The following CCBE1 variants were observed in gnomAD, a reference collection of about 807,000 sequenced individuals.
CCBE1 encodes collagen and calcium binding EGF domains 1.
In CCBE1, 37 loss-of-function variants were observed where a neutral mutation model predicts 50.0. That is an observed-to-expected ratio of 0.74 (90% confidence interval 0.57 to 0.97). The LOEUF (loss-of-function observed/expected upper bound fraction) is 0.97. CCBE1 is among the 50% of genes least tolerant of loss of function. The pLI is 0.00. For missense variants in CCBE1, 538 were observed against 523.8 expected (o/e 1.03, Z -0.26); for synonymous variants, 234 against 203.7 (o/e 1.15, Z -1.27).
intron 5 of CCBE1, 145 bp downstream of exon 5, chr18:59,466,594 A>C (rs2143720374): frequency 2.9e-6 from 1 of 349,190 alleles, no homozygotes; most frequent in South Asian, 8.6e-5. Context: ...CATTGTATAT[A>C]AAATTACATA....
intron 2 of CCBE1, among the ~76,000 whole-genome samples, chr18:59,491,684 T>C (rs2143807742): frequency 6.6e-6 from 1 of 151,484 alleles, no homozygotes; most frequent in African/African-American, 2.4e-5. Context: ...TGTGGTGGCA[T>C]GTGCCTGTAG....
intron 2 of CCBE1, among the ~76,000 whole-genome samples, chr18:59,606,812 C>T (rs1000283413): frequency 6.6e-6 from 1 of 152,232 alleles, no homozygotes; most frequent in Non-Finnish European, 1.5e-5. Context: ...CTATTTCTCT[C>T]ACTACATATT....
At chr18:59,576,336 A>G (rs2052995023) in intron 2 of CCBE1, among the ~76,000 whole-genome samples, 1 of 152,252 alleles carries the variant, frequency 6.6e-6, no homozygotes, top group Non-Finnish European at 1.5e-5. Context: ...GAACTTCATA[A>G]GAGAATATCA....
At position 59,436,017 on chromosome 18, in the gene CCBE1, G is replaced by C. The variant is rs747380899; in HGVS notation, c.1112C>G (p.Pro371Arg). The C allele has an allele frequency of 1.2e-6, 2 of 1,614,116 alleles. No individual in the cohort carries two copies. The highest frequency in any genetic ancestry group is 1.7e-6 in the Non-Finnish European group (2 of 1,180,028). The change falls in exon 11 of 11, where the codon CCT (proline) becomes CGT (arginine). Residue 371 changes from proline to arginine, a missense_variant. Physicochemically the swap from Pro to Arg is moderately radical, Grantham distance 103. Transcript: ENST00000439986. ...THSSAEEFPL[P>R]QEFPSYPEAM... Reference sequence around the variant, plus strand: ...TTCTGGGTAGCTGGGAAATTCCTGAGGTAAAGGGAACTCCTCTGCTGAAGA... The same window carrying C: ...TTCTGGGTAGCTGGGAAATTCCTGACGTAAAGGGAACTCCTCTGCTGAAGA...
rs1345620931 is a variant in CCBE1, at chr18:59,651,973, TTCTA to T, written c.212+44652_212+44655del. 2.0e-5 allele frequency among the ~76,000 whole-genome samples: 3 copies of T among 152,206 alleles called. No homozygotes were observed. In the South Asian group the frequency reaches 6.2e-4, roughly 31 times the overall value. On this transcript the variant is annotated intron_variant, in intron 2 of 10. Transcript: ENST00000439986. ...TGCTATCAATCATTGAATTTATTCCTTCTATCTTACTGTATGTTTTTAATCTTTA... is the reference window on the plus strand; with the variant it reads ...TGCTATCAATCATTGAATTTATTCCTTCTTACTGTATGTTTTTAATCTTTA...
At chr18:59,471,553 C>A (rs1239926243) in intron 3 of CCBE1, among the ~76,000 whole-genome samples, 1 of 152,134 alleles carries the variant, frequency 6.6e-6, no homozygotes, top group African/African-American at 2.4e-5. Flanking sequence ...TTCTTGAAGA[C>A]CTTTTTGTCT....
In CCBE1 at chr18:59,502,722, G is replaced by A. The variant is rs117207762; in HGVS notation, c.213-22484C>T. Among the ~76,000 whole-genome samples the A allele has an allele frequency of 9.2e-3, 1,396 of 152,028 alleles. 11 individuals are homozygous for A. The highest frequency in any genetic ancestry group is 0.015 in the Non-Finnish European group (1,011 of 67,992). ...AAAAAAAAGGCACAGCAGATACAAAGTCATAAATTCCATTGCAGAAAGGCA... is the reference window on the plus strand; with the variant it reads ...AAAAAAAAGGCACAGCAGATACAAAATCATAAATTCCATTGCAGAAAGGCA... On this transcript the variant is annotated intron_variant, in intron 2 of 10. Coordinates refer to ENST00000439986, the MANE Select transcript of CCBE1 (RefSeq NM_133459.4).
chr18:59,570,517 T>A (rs1030196045), intron 2 of CCBE1, among the ~76,000 whole-genome samples: 44 of 152,198 alleles, frequency 2.9e-4, no homozygotes, highest in African/African-American at 1.1e-3. Context: ...AGACTTTGCA[T>A]ACATTCTCTT....
intron 2 of CCBE1, among the ~76,000 whole-genome samples, chr18:59,632,970 A>C (rs2053869023): frequency 6.6e-6 from 1 of 152,142 alleles, no homozygotes; most frequent in African/African-American, 2.4e-5. Flanking sequence ...ACCACAAGGG[A>C]CAAGTCAGGC....
At chr18:59,497,426 A>G (rs1171738218) in intron 2 of CCBE1, among the ~76,000 whole-genome samples, 1 of 152,140 alleles carries the variant, frequency 6.6e-6, no homozygotes, top group East Asian at 1.9e-4. Flanking sequence ...AAAAGAAAAT[A>G]CCCAAGACAT....
intron 2 of CCBE1, among the ~76,000 whole-genome samples, chr18:59,519,563 G>A (rs1205992132): frequency 6.6e-6 from 1 of 152,120 alleles, no homozygotes; most frequent in East Asian, 1.9e-4. Context: ...TGGTGTGAAA[G>A]GATCTCTATC....
At chr18:59,636,444 A>G (rs980792207) in intron 2 of CCBE1, among the ~76,000 whole-genome samples, 6 of 152,188 alleles carry the variant, frequency 3.9e-5, no homozygotes, top group African/African-American at 1.4e-4. Flanking sequence ...GCATCTGGAG[A>G]TGAGTTCAGA....
chr18:59,696,547 C>G (rs28540472), intron 2 of CCBE1, 82 bp downstream of exon 2: 2 of 1,600,812 alleles, frequency 1.2e-6, no homozygotes, highest in Non-Finnish European at 1.7e-6. Context: ...AAGCGCGTCT[C>G]CAAACCCCTC....
intron 2 of CCBE1, among the ~76,000 whole-genome samples, chr18:59,617,918 G>T (rs2053658421): frequency 6.6e-6 from 1 of 152,140 alleles, no homozygotes; most frequent in South Asian, 2.1e-4. Flanking sequence ...TTCATATCAT[G>T]CAGAATTAAT....
intron 2 of CCBE1, among the ~76,000 whole-genome samples, chr18:59,493,594 G>A (rs1322555049): frequency 6.6e-6 from 1 of 151,682 alleles, no homozygotes; most frequent in Non-Finnish European, 1.5e-5. Context: ...CACTTCACTT[G>A]TTAAAATTAG....
intron 2 of CCBE1, among the ~76,000 whole-genome samples, chr18:59,498,822 T>A (rs1913477824): frequency 6.6e-6 from 1 of 152,248 alleles, no homozygotes; most frequent in Non-Finnish European, 1.5e-5. Context: ...GATGCATTTC[T>A]ATTTCATGTG....
chr18:59,486,100 C>A (rs1912813465), intron 2 of CCBE1, among the ~76,000 whole-genome samples: 1 of 152,124 alleles, frequency 6.6e-6, no homozygotes, highest in Non-Finnish European at 1.5e-5. Flanking sequence ...CTTGGCCTTG[C>A]TCCTTAATCT....
At chr18:59,689,174 C>T (rs2054696325) in intron 2 of CCBE1, among the ~76,000 whole-genome samples, 1 of 152,162 alleles carries the variant, frequency 6.6e-6, no homozygotes. Flanking sequence ...CTGTTGAGAG[C>T]CCCCCTGTAT....
chr18:59,532,334 T>C (rs1161949251), intron 2 of CCBE1, among the ~76,000 whole-genome samples: 3 of 152,210 alleles, frequency 2.0e-5, no homozygotes, highest in Non-Finnish European at 4.4e-5. Flanking sequence ...CATGAGCCAC[T>C]GCACCCAGCC....
Sources: allele counts gnomAD v4.1 joint callset (sites outside exome capture counted in the v4.1 genomes callset), GRCh38; gene constraint gnomAD v4.1.1; transcripts MANE v1.5; gene names NCBI Gene and HGNC (gene_info 2026-07-23, HGNC 2026-07-21).